Variants in PCDHGA7 observed in about 807,000 individuals in gnomAD.
PCDHGA7 encodes the protein protocadherin gamma-A7.
Under a neutral mutation model 58.3 loss-of-function variants are expected in PCDHGA7, and 44 were observed. The ratio of observed to expected loss-of-function variants is 0.75; its 90% confidence interval spans 0.59 to 0.97. The LOEUF (loss-of-function observed/expected upper bound fraction) is 0.97, where lower values mean the gene tolerates loss of function less well. PCDHGA7 is among the 50% of genes least tolerant of loss of function. The pLI, the probability that PCDHGA7 is intolerant of heterozygous loss-of-function variation, is 0.00. For missense variants in PCDHGA7, 1,266 were observed against 1,188.7 expected, an observed-to-expected ratio of 1.06 and a Z score of -0.96; for synonymous variants, 516 against 504.2, an observed-to-expected ratio of 1.02 and a Z score of -0.31.
rs150106838 is a variant in PCDHGA7, at chr5:141,503,886, T to C, written c.2484-1507T>C. On this transcript the variant is annotated intron_variant, in intron 2 of 3. Coordinates refer to ENST00000518325, the MANE Select transcript of PCDHGA7 (RefSeq NM_018920.4). Reference sequence around the variant, plus strand: ...AGTTCTTGGTTGTGCTCACCCACCATGACAAAATATGCACACACACAACGC... The same window carrying C: ...AGTTCTTGGTTGTGCTCACCCACCACGACAAAATATGCACACACACAACGC... Among the ~76,000 whole-genome samples, 20 of 152,290 alleles carry C rather than the reference T, an allele frequency of 1.3e-4. No individual in the cohort carries two copies. The South Asian group carries it at 3.9e-3, about 30-fold the overall frequency.
chr5:141,461,961 T>C (rs914134151), intron 1 of PCDHGA7, among the ~76,000 whole-genome samples: 3 of 152,192 alleles, frequency 2.0e-5, no homozygotes, highest in African/African-American at 7.2e-5. Context: ...GTAGCTGGGA[T>C]TCCAGGCATA....
At chr5:141,413,488 C>G in intron 1 of PCDHGA7, 1 of 1,613,986 alleles carries the variant, frequency 6.2e-7, no homozygotes, top group Non-Finnish European at 8.5e-7. Context: ...TCAGAGCGCG[C>G]GGTGCGTGGT....
At chr5:141,415,437 G>A in intron 1 of PCDHGA7, 1 of 1,614,200 alleles carries the variant, frequency 6.2e-7, no homozygotes, top group Non-Finnish European at 8.5e-7. Flanking sequence ...GGGCTTTCCT[G>A]CAGACCTATT....
intron 1 of PCDHGA7, among the ~76,000 whole-genome samples, chr5:141,474,703 C>G (rs2099353282): frequency 6.6e-6 from 1 of 152,188 alleles, no homozygotes; most frequent in Admixed American, 6.5e-5. Flanking sequence ...GTTCAAGGTT[C>G]TATTATACTT....
At chr5:141,506,191 C>T (rs932500250) in intron 3 of PCDHGA7, among the ~76,000 whole-genome samples, 8 of 152,182 alleles carry the variant, frequency 5.3e-5, no homozygotes, top group African/African-American at 1.9e-4. Flanking sequence ...TGGCTCACGC[C>T]TGTAATCCCA....
intron 2 of PCDHGA7, among the ~76,000 whole-genome samples, chr5:141,497,767 C>T (rs1419825322): frequency 1.3e-5 from 2 of 152,066 alleles, no homozygotes; most frequent in East Asian, 3.9e-4. Flanking sequence ...TCAAACTCCC[C>T]GACCTCAACT....
intron 1 of PCDHGA7, chr5:141,394,343 C>T: frequency 1.2e-6 from 2 of 1,614,158 alleles, no homozygotes; most frequent in African/African-American, 1.3e-5. Context: ...TCAACTCTGA[C>T]ACCGGTGTCC....
At chr5:141,508,371 C>T (rs1250979168) in intron 3 of PCDHGA7, 1 of 152,226 alleles carries the variant, frequency 6.6e-6, no homozygotes, top group East Asian at 1.9e-4. Flanking sequence ...CAACTTCTTC[C>T]CCTCAGATTT....
At chr5:141,406,748 A>G (rs180930343) in intron 1 of PCDHGA7, among the ~76,000 whole-genome samples, 80 of 152,312 alleles carry the variant, frequency 5.3e-4, no homozygotes, top group Non-Finnish European at 1.5e-4. Context: ...GTGAAATGAC[A>G]AAACAAGGAA....
chr5:141,420,934 C>A (rs2096533899), intron 1 of PCDHGA7: 2 of 377,936 alleles, frequency 5.3e-6, no homozygotes, highest in South Asian at 5.3e-5. Flanking sequence ...TGAGCGTAAT[C>A]ATTTCTTCTG....
chr5:141,387,642 C>T lies in PCDHGA7; in HGVS notation c.2424+2319C>T, dbSNP rs554256672. 8.0e-6 allele frequency: 5 copies of T among 622,368 alleles called. No homozygotes were observed. In the South Asian group the frequency reaches 1.1e-4, roughly 14 times the overall value. The allele number at this position is 622,368 out of a possible 1,614,324, so 38.6% of individuals were successfully genotyped here. On this transcript the variant is annotated intron_variant, in intron 1 of 3. Transcript: ENST00000518325. Reference sequence around the variant, plus strand: ...TGCTGACTCTGGGCGCCGCTGTTGGCCAAAGTGGAGAGCTTGGCGCTCCAG... The same window carrying T: ...TGCTGACTCTGGGCGCCGCTGTTGGTCAAAGTGGAGAGCTTGGCGCTCCAG...
chr5:141,469,314 C>T (rs982242861), intron 1 of PCDHGA7, among the ~76,000 whole-genome samples: 3 of 152,100 alleles, frequency 2.0e-5, no homozygotes, highest in Admixed American at 1.3e-4. Context: ...CGATGGCTCA[C>T]GCCTGTAATC....
At position 141,385,045 on chromosome 5, in the gene PCDHGA7, C is replaced by T. The variant is rs769354835; in HGVS notation, c.2146C>T (p.Leu716=). 3 of 1,614,178 alleles carry T rather than the reference C, an allele frequency of 1.9e-6. No individual in the cohort carries two copies. ...CGTCCTCGTACTGCTGGCGCTCAGG[C>T]TGCGGCGCTGGCACAAGTCACGCCT... ...AFVLVLLALR[L]RRWHKSRLLQ... is the part of the protein sequence containing the mutation. The change falls in exon 1 of 4, where the codon CTG becomes TTG. Residue 716 remains leucine, a synonymous_variant. Transcript: ENST00000518325.
chr5:141,422,131 G>T (rs747294750), intron 1 of PCDHGA7: 3 of 1,598,182 alleles, frequency 1.9e-6, no homozygotes, highest in Non-Finnish European at 2.6e-6. Context: ...AACTGGAGAA[G>T]TTCAAGTACG....
At chr5:141,390,204 G>A in intron 1 of PCDHGA7, 1 of 1,614,036 alleles carries the variant, frequency 6.2e-7, no homozygotes, top group Non-Finnish European at 8.5e-7. Flanking sequence ...GTTGAGTTCA[G>A]GACAAGACAT....
intron 1 of PCDHGA7, among the ~76,000 whole-genome samples, chr5:141,481,250 C>A (rs1160186962): frequency 2.6e-5 from 4 of 152,144 alleles, no homozygotes; most frequent in Non-Finnish European, 5.9e-5. Context: ...TAGCATAGCT[C>A]TAAAAGATCA....
At chr5:141,443,317 C>A (rs898636207) in intron 1 of PCDHGA7, among the ~76,000 whole-genome samples, 39 of 142,046 alleles carry the variant, frequency 2.7e-4, no homozygotes, top group Non-Finnish European at 2.5e-4. Context: ...CCCATCTCTA[C>A]AAAAAAAAAA....
chr5:141,419,734 G>A, intron 1 of PCDHGA7: 2 of 1,613,792 alleles, frequency 1.2e-6, no homozygotes, highest in Non-Finnish European at 1.7e-6. Context: ...GAACAGGCGA[G>A]GTGCGCATGG....
chr5:141,506,896 T>C (rs1417106112), intron 3 of PCDHGA7, among the ~76,000 whole-genome samples: 3 of 152,158 alleles, frequency 2.0e-5, no homozygotes, highest in African/African-American at 7.2e-5. Flanking sequence ...CAAGAAGCAC[T>C]GTCATCACAC....
Sources: gnomAD v4.1 joint callset for allele counts (sites outside exome capture counted in the v4.1 genomes callset) on GRCh38, gnomAD v4.1.1 for gene constraint, MANE v1.5 for transcripts, NCBI Gene and HGNC (gene_info 2026-07-23, HGNC 2026-07-21) for gene names.